The following TMED10 variants were observed in gnomAD, a reference collection of about 807,000 sequenced individuals.
The protein encoded by TMED10 is transmembrane emp24 domain-containing protein 10.
In TMED10, 7 loss-of-function variants were observed where a neutral mutation model predicts 23.1. That is an observed-to-expected ratio of 0.30 (90% CI 0.17 to 0.57). The LOEUF is 0.57. Ranked by LOEUF, TMED10 falls within the 20% of genes least tolerant of loss-of-function variation. The pLI, the probability that TMED10 is intolerant of heterozygous loss-of-function variation, is 0.91. For missense variants in TMED10, 162 were observed against 274.8 expected (o/e 0.59, Z 2.90); for synonymous variants, 113 against 106.9 (o/e 1.06, Z -0.35).
rs151035983 is a variant in TMED10, at chr14:75,155,545, A to G, written c.226-3402T>C. ...ATGTGTATGTATAACAAAACATCAC[A>G]TTATATATCTTGAATATAAACAATT... On this transcript the variant is annotated intron_variant, in intron 1 of 4. Coordinates refer to ENST00000303575, the MANE Select transcript of TMED10 (RefSeq NM_006827.6). Among the ~76,000 whole-genome samples the G allele has an allele frequency of 2.3e-4, 35 of 152,364 alleles. No homozygotes were observed. The East Asian group carries it at 6.7e-3, about 29-fold the overall frequency.
intron 1 of TMED10, among the ~76,000 whole-genome samples, chr14:75,175,284 T>C (rs1300666815): frequency 6.6e-6 from 1 of 152,098 alleles, no homozygotes; most frequent in African/African-American, 2.4e-5. Context: ...TCCAAGAGCA[T>C]AGTTGGTATT....
intron 2 of TMED10, 138 bp downstream of exon 2, chr14:75,151,894 A>G (rs541173666): frequency 5.5e-6 from 4 of 729,938 alleles, no homozygotes; most frequent in Non-Finnish European, 6.4e-6. Flanking sequence ...AGGTGCTCCA[A>G]AGACTACAAG....
chr14:75,149,176 C>G (rs1320659845), intron 2 of TMED10, among the ~76,000 whole-genome samples: 1 of 152,218 alleles, frequency 6.6e-6, no homozygotes, highest in East Asian at 1.9e-4. Flanking sequence ...CTCAGCCTCC[C>G]AAAGTGCTGG....
chr14:75,139,673 C>T (rs749613581), intron 3 of TMED10, among the ~76,000 whole-genome samples: 101 of 151,210 alleles, frequency 6.7e-4, no homozygotes, highest in Admixed American at 7.3e-4. Flanking sequence ...TCCCATCTTT[C>T]ATCCAGAAAA....
chr14:75,153,234 G>T (rs147093641), intron 1 of TMED10, among the ~76,000 whole-genome samples: 341 of 151,974 alleles, frequency 2.2e-3, no homozygotes, highest in African/African-American at 8.0e-3. Context: ...GAAGCTTGCC[G>T]TGTCACTGCA....
intron 1 of TMED10, among the ~76,000 whole-genome samples, chr14:75,156,144 A>G (rs1449644669): frequency 1.3e-5 from 2 of 152,216 alleles, no homozygotes; most frequent in Admixed American, 1.3e-4. Flanking sequence ...CGCTACCAGT[A>G]CTATGAAGAC....
chr14:75,156,258 C>A (rs1896018039), intron 1 of TMED10, among the ~76,000 whole-genome samples: 1 of 152,050 alleles, frequency 6.6e-6, no homozygotes, highest in Non-Finnish European at 1.5e-5. Context: ...GAGAAGGTGA[C>A]AGATTTTATT....
intron 1 of TMED10, among the ~76,000 whole-genome samples, chr14:75,167,405 CCTCT>C (rs1343481146): frequency 6.6e-6 from 1 of 151,610 alleles, no homozygotes; most frequent in Non-Finnish European, 1.5e-5. Context: ...CGCCCCTCTG[CCTCT>C]CTCTCTTTTC....
At chr14:75,166,146 G>T (rs1252583793) in intron 1 of TMED10, among the ~76,000 whole-genome samples, 1 of 152,148 alleles carries the variant, frequency 6.6e-6, no homozygotes, top group Non-Finnish European at 1.5e-5. Flanking sequence ...CCTCCAGCGT[G>T]ACCCTTTCAT....
intron 3 of TMED10, among the ~76,000 whole-genome samples, chr14:75,138,894 G>C (rs1320785491): frequency 7.0e-6 from 1 of 142,984 alleles, no homozygotes; most frequent in Non-Finnish European, 1.5e-5. Context: ...GAAAAACAAT[G>C]ATGGAATTAA....
rs1896107933 is a variant in TMED10, at chr14:75,163,342, C to T, written c.226-11199G>A. 3.3e-5 allele frequency among the ~76,000 whole-genome samples: 5 copies of T among 151,920 alleles called. No individual in the cohort carries two copies. The South Asian group carries it at 1.0e-3, about 32-fold the overall frequency. ...TTGAGGCAGGCAGATCACTTGAGGT[C>T]AGGAGTTCGAGACCATCTTGCCTAA... On this transcript the variant is annotated intron_variant, in intron 1 of 4. Coordinates refer to ENST00000303575, the MANE Select transcript of TMED10 (RefSeq NM_006827.6).
intron 3 of TMED10, among the ~76,000 whole-genome samples, chr14:75,144,774 C>T (rs761067443): frequency 1.3e-5 from 2 of 152,230 alleles, no homozygotes; most frequent in Non-Finnish European, 2.9e-5. Context: ...TCTCTTGCTT[C>T]AGCCTCCCGA....
chr14:75,161,985 G>C (rs1896090733), intron 1 of TMED10, among the ~76,000 whole-genome samples: 1 of 151,260 alleles, frequency 6.6e-6, no homozygotes, highest in African/African-American at 2.4e-5. Context: ...TATAGTGCCA[G>C]AAAGTAAGAA....
chr14:75,140,260 C>T (rs1251905294), intron 3 of TMED10, among the ~76,000 whole-genome samples: 1 of 152,070 alleles, frequency 6.6e-6, no homozygotes, highest in East Asian at 2.0e-4. Flanking sequence ...GCCACCACGC[C>T]CAGCTAATTT....
intron 1 of TMED10, among the ~76,000 whole-genome samples, chr14:75,155,595 A>G (rs1446764023): frequency 3.3e-5 from 5 of 152,214 alleles, no homozygotes; most frequent in Admixed American, 2.0e-4. Flanking sequence ...ATACCTCAAT[A>G]AAGCTAACAG....
intron 3 of TMED10, among the ~76,000 whole-genome samples, chr14:75,140,916 C>G (rs1895814439): frequency 6.6e-6 from 1 of 151,976 alleles, no homozygotes; most frequent in African/African-American, 2.4e-5. Context: ...GAAAAAAAAA[C>G]TTTATTGCAA....
At position 75,161,911 on chromosome 14, in the gene TMED10, G is replaced by C. The variant is rs1442539693; in HGVS notation, c.226-9768C>G. On this transcript the variant is annotated intron_variant, in intron 1 of 4. Coordinates refer to ENST00000303575, the MANE Select transcript of TMED10 (RefSeq NM_006827.6). ...TCCCTTCTCCAATAAAAGCAACCAGGGCTCCTTGGAGAAATGATCCTAAGA... is the reference window on the plus strand; with the variant it reads ...TCCCTTCTCCAATAAAAGCAACCAGCGCTCCTTGGAGAAATGATCCTAAGA... Among the ~76,000 whole-genome samples the C allele has an allele frequency of 4.0e-5, 6 of 151,874 alleles. No individual in the cohort carries two copies. In the South Asian group the frequency reaches 1.3e-3, roughly 32 times the overall value.
chr14:75,137,691 A>AAT (rs1555355552), intron 3 of TMED10, among the ~76,000 whole-genome samples: 10 of 136,188 alleles, frequency 7.3e-5, no homozygotes, highest in Non-Finnish European at 7.6e-5. Context: ...AAAAAAAAAA[A>AAT]TTCTGTTTCT....
At chr14:75,143,770 C>G (rs1306687617) in intron 3 of TMED10, among the ~76,000 whole-genome samples, 1 of 152,082 alleles carries the variant, frequency 6.6e-6, no homozygotes, top group African/African-American at 2.4e-5. Context: ...CCTGTCTCTA[C>G]TAAAAATACA....
Sources: gnomAD v4.1 joint callset for allele counts (sites outside exome capture counted in the v4.1 genomes callset) on GRCh38, gnomAD v4.1.1 for gene constraint, MANE v1.5 for transcripts, NCBI Gene and HGNC (gene_info 2026-07-23, HGNC 2026-07-21) for gene names.